Variants in RCOR1 observed in about 807,000 individuals in gnomAD.
RCOR1 encodes the protein REST corepressor 1.
A neutral mutation model predicts 64.0 loss-of-function variants in RCOR1; 12 were observed. The ratio of observed to expected loss-of-function variants is 0.19; its 90% CI spans 0.12 to 0.30. RCOR1 has a LOEUF of 0.30. Among genes scored for constraint, RCOR1 ranks in the 10% least tolerant of loss-of-function variants. The probability of loss-of-function intolerance (pLI) is 1.00; values close to 1 mark genes in which losing one functional copy is unlikely to be tolerated. For missense variants in RCOR1, 502 were observed against 621.2 expected (o/e 0.81, Z 2.04); for synonymous variants, 279 against 227.2 (o/e 1.23, Z -2.05).
At chr14:102,620,483 C>T (rs955096303) in intron 2 of RCOR1, among the ~76,000 whole-genome samples, 1 of 152,202 alleles carries the variant, frequency 6.6e-6, no homozygotes, top group Admixed American at 6.5e-5. Context: ...AGGAGAATCA[C>T]TTGAACCCGG....
At chr14:102,597,422 G>A (rs1276873788) in intron 2 of RCOR1, among the ~76,000 whole-genome samples, 1 of 150,962 alleles carries the variant, frequency 6.6e-6, no homozygotes, top group Non-Finnish European at 1.5e-5. Flanking sequence ...TCCATCTCCT[G>A]GGTTCAAGCG....
intron 2 of RCOR1, among the ~76,000 whole-genome samples, chr14:102,600,350 C>T (rs1893364370): frequency 6.6e-6 from 1 of 152,002 alleles, no homozygotes; most frequent in African/African-American, 2.4e-5. Context: ...GCTGGGATTA[C>T]AAGCGTGAGC....
Position 102,593,338 on chromosome 14 carries a change from C to CCCGG in RCOR1, c.361+23_361+26dup, listed in dbSNP as rs750479606. 2.7e-5 allele frequency: 42 copies of CCCGG among 1,531,314 alleles called. No homozygotes were observed. The highest frequency in any genetic ancestry group is 2.3e-4 in the Middle Eastern group (1 of 4,324). 94.9% of individuals were successfully genotyped at this position (1,531,314 alleles called of 1,614,324 possible). A position where few individuals can be genotyped will look rare whatever the true frequency, so the allele number is the denominator to read the frequency against. ...GACTTCGACCCCGGTGAGTAGCGGC[C>CCCGG]CCGGCCGGCCGGCGGCGGGGATGAG... On this transcript the variant is annotated intron_variant, in intron 2 of 11. Coordinates refer to ENST00000262241, the MANE Select transcript of RCOR1 (RefSeq NM_015156.4).
intron 4 of RCOR1, 93 bp from the exon 5 acceptor site, chr14:102,707,258 T>C (rs1323265785): frequency 2.8e-6 from 3 of 1,075,046 alleles, no homozygotes; most frequent in Non-Finnish European, 2.7e-6. Flanking sequence ...TTTGTCTAAA[T>C]ATGAAGTCGT....
chr14:102,616,545 A>G (rs147466490), intron 2 of RCOR1, among the ~76,000 whole-genome samples: 5 of 152,258 alleles, frequency 3.3e-5, no homozygotes, highest in Middle Eastern at 3.4e-3. Context: ...TGCTGCAATT[A>G]CAGGTGTGAG....
intron 2 of RCOR1, among the ~76,000 whole-genome samples, chr14:102,636,860 A>G (rs1009674899): frequency 1.3e-5 from 2 of 151,026 alleles, no homozygotes; most frequent in Non-Finnish European, 2.9e-5. Context: ...AATCCCAGCT[A>G]TTTGGAAGAC....
Position 102,701,285 on chromosome 14 carries a change from A to G in RCOR1, c.453A>G (p.Glu151=). 6.2e-7 allele frequency: 1 copy of G among 1,613,190 alleles called. No homozygotes were observed. Among genetic ancestry groups the G allele is most frequent in the South Asian group, 1.1e-5 (1 of 90,970 alleles). The change falls in exon 4 of 12, where the codon GAA becomes GAG. Residue 151 remains glutamate, a synonymous_variant. Transcript: ENST00000262241. ...NQNLSEAKLD[E]YIAIAKEKHG... ...TCTCTTCTTGTTTTTCAGTGGATGA[A>G]TACATTGCCATTGCCAAAGAAAAGC...
chr14:102,630,590 C>T (rs1169295444), intron 2 of RCOR1, among the ~76,000 whole-genome samples: 4 of 152,190 alleles, frequency 2.6e-5, no homozygotes. Context: ...CAGCTTTCAC[C>T]TTCCCAGAGC....
At chr14:102,673,571 G>A (rs548188283) in intron 2 of RCOR1, among the ~76,000 whole-genome samples, 1 of 151,932 alleles carries the variant, frequency 6.6e-6, no homozygotes, top group African/African-American at 2.4e-5. Context: ...TCCTGACCTT[G>A]TGATCCGCCC....
rs181602328 is a variant in RCOR1 at position 102,632,104 on chromosome 14, C to T, written c.361+38779C>T. 4.3e-4 allele frequency among the ~76,000 whole-genome samples: 64 copies of T among 149,932 alleles called. 1 individual carries two copies. The highest frequency in any genetic ancestry group is 9.1e-4 in the African/African-American group (37 of 40,742). On this transcript the variant is annotated intron_variant, in intron 2 of 11. Transcript: ENST00000262241. ...GGATTACAGGCGTGAGCCACCGTGC[C>T]GAGCCACCATCAGATTTTCTTGGTG...
intron 2 of RCOR1, among the ~76,000 whole-genome samples, chr14:102,608,158 C>T (rs1371462661): frequency 6.6e-6 from 1 of 152,102 alleles, no homozygotes; most frequent in Non-Finnish European, 1.5e-5. Context: ...AGTTCCGAAA[C>T]ATTTTCATCA....
At chr14:102,629,877 G>T (rs1894073453) in intron 2 of RCOR1, 1 of 257,450 alleles carries the variant, frequency 3.9e-6, no homozygotes, top group African/African-American at 2.3e-5. Flanking sequence ...TATTTAGAGA[G>T]CTTAAACGTC....
At chr14:102,656,377 G>A (rs1173574272) in intron 2 of RCOR1, among the ~76,000 whole-genome samples, 3 of 151,402 alleles carry the variant, frequency 2.0e-5, no homozygotes, top group African/African-American at 4.8e-5. Flanking sequence ...GACCTCAAGC[G>A]ATCCGCCTGC....
At chr14:102,673,954 C>T (rs1426254853) in intron 2 of RCOR1, among the ~76,000 whole-genome samples, 1 of 152,202 alleles carries the variant, frequency 6.6e-6, no homozygotes, top group Non-Finnish European at 1.5e-5. Flanking sequence ...TATTTTTGTC[C>T]TATAGACGAT....
chr14:102,670,928 C>G (rs904331226), intron 2 of RCOR1, among the ~76,000 whole-genome samples: 4 of 151,946 alleles, frequency 2.6e-5, no homozygotes, highest in Non-Finnish European at 5.9e-5. Flanking sequence ...CACCTGCCAC[C>G]ATGCCTGGCT....
chr14:102,596,277 A>G (rs1182607141), intron 2 of RCOR1, among the ~76,000 whole-genome samples: 2 of 151,614 alleles, frequency 1.3e-5, no homozygotes, highest in African/African-American at 2.4e-5. Context: ...AATTTTTTGT[A>G]TTTATAGTAG....
intron 2 of RCOR1, among the ~76,000 whole-genome samples, chr14:102,595,388 G>C (rs1372738664): frequency 2.0e-5 from 3 of 152,020 alleles, no homozygotes; most frequent in African/African-American, 7.2e-5. Flanking sequence ...TGTAGTTTCA[G>C]CTACGGGGGG....
At chr14:102,618,503 G>C (rs1893808764) in intron 2 of RCOR1, among the ~76,000 whole-genome samples, 1 of 152,062 alleles carries the variant, frequency 6.6e-6, no homozygotes, top group African/African-American at 2.4e-5. Flanking sequence ...AGCTACTCTG[G>C]AGGATGAGGT....
rs71119732 is a variant in RCOR1 at position 102,706,114 on chromosome 14, C to CAAAAA, written c.499-1213_499-1209dup. ...GGGCAAGGAGAGTGAAACCCTGTCT[C>CAAAAA]AAAAAAAAAAAAAAAAAAAAAAAAA... On this transcript the variant is annotated intron_variant, in intron 4 of 11. Transcript: ENST00000262241. Among the ~76,000 whole-genome samples the CAAAAA allele has an allele frequency of 8.9e-3, 189 of 21,344 alleles. 16 individuals are homozygous for CAAAAA. The highest frequency in any genetic ancestry group is 0.024 in the East Asian group (15 of 622). 14.0% of individuals were successfully genotyped at this position (21,344 alleles called of 152,430 possible).
Sources: gnomAD v4.1 joint callset for allele counts (sites outside exome capture counted in the v4.1 genomes callset) on GRCh38, gnomAD v4.1.1 for gene constraint, MANE v1.5 for transcripts, NCBI Gene and HGNC (gene_info 2026-07-23, HGNC 2026-07-21) for gene names.